TCF4: variants seen among roughly 807,000 people sequenced by gnomAD.
TCF4 encodes transcription factor 4, also known as SL3-3 enhancer factor 2.
In TCF4, 3 loss-of-function variants were observed where a neutral mutation model predicts 82.1. That is an observed-to-expected ratio of 0.04 (90% CI 0.02 to 0.09). The LOEUF is 0.09. TCF4 is among the 10% of genes least tolerant of loss of function. The pLI, the probability that TCF4 is intolerant of heterozygous loss-of-function variation, is 1.00. For missense variants in TCF4, 518 were observed against 852.7 expected (o/e 0.61, Z 4.89); for synonymous variants, 276 against 309.6 (o/e 0.89, Z 1.14).
At chr18:55,404,725 C>T (rs1314324081) in intron 5 of TCF4, among the ~76,000 whole-genome samples, 1 of 152,172 alleles carries the variant, frequency 6.6e-6, no homozygotes, top group African/African-American at 2.4e-5. Flanking sequence ...CCTGACCCCA[C>T]ACAAAGAATG....
At chr18:55,442,756 T>C (rs557588605) in intron 5 of TCF4, among the ~76,000 whole-genome samples, 2 of 152,220 alleles carry the variant, frequency 1.3e-5, no homozygotes, top group Admixed American at 6.5e-5. Flanking sequence ...TCAAAACCCA[T>C]ATACAAGGAA....
chr18:55,256,852 G>A (rs1192444261), intron 14 of TCF4, among the ~76,000 whole-genome samples: 1 of 152,082 alleles, frequency 6.6e-6, no homozygotes, highest in Non-Finnish European at 1.5e-5. Flanking sequence ...ATTCACTCCT[G>A]GAAGAGTAGG....
intron 3 of TCF4, among the ~76,000 whole-genome samples, chr18:55,491,879 C>G (rs1457430296): frequency 1.3e-5 from 2 of 152,108 alleles, no homozygotes; most frequent in Non-Finnish European, 2.9e-5. Flanking sequence ...AATGACAAAG[C>G]AGTAGACAGA....
At chr18:55,353,743 T>A (rs1206862515) in intron 6 of TCF4, among the ~76,000 whole-genome samples, 1 of 152,158 alleles carries the variant, frequency 6.6e-6, no homozygotes, top group Non-Finnish European at 1.5e-5. Flanking sequence ...TTATGAATTT[T>A]AAAAAGTGAA....
intron 15 of TCF4, among the ~76,000 whole-genome samples, chr18:55,240,225 GAAC>G (rs2050786742): frequency 1.3e-5 from 2 of 152,100 alleles, no homozygotes; most frequent in South Asian, 2.1e-4. Flanking sequence ...TTAGAAAGAA[GAAC>G]AACAACAAAA....
At chr18:55,510,385 T>G (rs1232166256) in intron 3 of TCF4, among the ~76,000 whole-genome samples, 1 of 152,170 alleles carries the variant, frequency 6.6e-6, no homozygotes, top group Admixed American at 6.5e-5. Flanking sequence ...CACATTACTT[T>G]CTCATTTATA....
intron 8 of TCF4, among the ~76,000 whole-genome samples, chr18:55,317,297 T>C (rs1017104841): frequency 2.0e-5 from 3 of 152,072 alleles, no homozygotes; most frequent in African/African-American, 7.2e-5. Context: ...TTTGATTACT[T>C]TGTGGCCTAA....
chr18:55,321,049 A>ACAT (rs1159523205), intron 8 of TCF4, among the ~76,000 whole-genome samples: 1 of 152,198 alleles, frequency 6.6e-6, no homozygotes, highest in Non-Finnish European at 1.5e-5. Context: ...TATATGCATG[A>ACAT]ATGAACCCGT....
intron 3 of TCF4, among the ~76,000 whole-genome samples, chr18:55,507,054 G>A (rs1327234692): frequency 6.6e-6 from 1 of 151,942 alleles, no homozygotes; most frequent in East Asian, 1.9e-4. Context: ...GTAGAGATGG[G>A]GTTTCACCAT....
At chr18:55,267,034 G>T (rs1371965836) in intron 11 of TCF4, 3 of 152,126 alleles carry the variant, frequency 2.0e-5, no homozygotes, top group African/African-American at 7.2e-5. Context: ...AGCTTCCTAA[G>T]ACATCAACAC....
intron 8 of TCF4, among the ~76,000 whole-genome samples, chr18:55,313,402 T>G (rs1182852714): frequency 2.0e-5 from 3 of 152,152 alleles, no homozygotes; most frequent in Admixed American, 6.6e-5. Flanking sequence ...ACTAGTATCT[T>G]GCAGAAAATA....
chr18:55,587,684 A>T (rs2097663946), intron 1 of TCF4, among the ~76,000 whole-genome samples: 1 of 151,756 alleles, frequency 6.6e-6, no homozygotes, highest in Non-Finnish European at 1.5e-5. Context: ...CTGGAGTGAA[A>T]ACACGTCCAA....
chr18:55,460,524 C>T (rs1005467822), intron 5 of TCF4, among the ~76,000 whole-genome samples: 1 of 152,220 alleles, frequency 6.6e-6, no homozygotes, highest in African/African-American at 2.4e-5. Context: ...GATAAATATA[C>T]AATCAGATTT....
chr18:55,233,261 C>G (rs921789381), intron 16 of TCF4, among the ~76,000 whole-genome samples: 1 of 152,164 alleles, frequency 6.6e-6, no homozygotes, highest in African/African-American at 2.4e-5. Context: ...TTTTAAAACA[C>G]GACCCTAATG....
At chr18:55,619,128 G>C (rs1452008782) in intron 2 of TCF4, among the ~76,000 whole-genome samples, 1 of 151,808 alleles carries the variant, frequency 6.6e-6, no homozygotes, top group Non-Finnish European at 1.5e-5. Context: ...TTTTGTTTTG[G>C]GTTGTTTTAT....
At chr18:55,334,316 A>G (rs1050007618) in intron 8 of TCF4, among the ~76,000 whole-genome samples, 4 of 152,184 alleles carry the variant, frequency 2.6e-5, no homozygotes, top group Admixed American at 2.6e-4. Context: ...ACTTTTATAA[A>G]TAACATATAA....
At chr18:55,334,265 T>C (rs1408093820) in intron 8 of TCF4, among the ~76,000 whole-genome samples, 2 of 152,108 alleles carry the variant, frequency 1.3e-5, no homozygotes, top group Non-Finnish European at 2.9e-5. Flanking sequence ...CAATAAAACA[T>C]CCTAAGCCAT....
rs949592617 is a variant in TCF4 at position 55,222,311 on chromosome 18, AAATAT to A, written c.*5719_*5723del. 2.6e-5 allele frequency: 4 copies of A among 152,220 alleles called. No individual in the cohort carries two copies. Among genetic ancestry groups the A allele is most frequent in the African/African-American group, 9.6e-5 (4 of 41,454 alleles). 9.4% of individuals were successfully genotyped at this position (152,220 alleles called of 1,614,324 possible). On this transcript the variant is annotated 3_prime_UTR_variant, in exon 20 of 20. Coordinates refer to ENST00000354452, the MANE Select transcript of TCF4 (RefSeq NM_001083962.2). ...CCTTTTCAGTAGTAGTTATATGATC[AAATAT>A]AATACTAAAAGACTAAATGCTTGTG... is the stretch of plus-strand genomic sequence containing the variant.
chr18:55,499,488 T>C (rs1429875454), intron 3 of TCF4, among the ~76,000 whole-genome samples: 1 of 152,178 alleles, frequency 6.6e-6, no homozygotes, highest in Non-Finnish European at 1.5e-5. Flanking sequence ...AAAACTAGAC[T>C]TTTTCAGCTA....
Sources: allele counts gnomAD v4.1 joint callset (sites outside exome capture counted in the v4.1 genomes callset), GRCh38; gene constraint gnomAD v4.1.1; transcripts MANE v1.5; gene names NCBI Gene and HGNC (gene_info 2026-07-23, HGNC 2026-07-21).